The following IFI16 variants were observed in gnomAD, a reference collection of about 807,000 sequenced individuals.
The protein encoded by IFI16 is interferon gamma inducible protein 16.
Under a neutral mutation model 68.4 loss-of-function variants are expected in IFI16, and 49 were observed. That is an observed-to-expected ratio of 0.72 (90% CI 0.57 to 0.91). The LOEUF (loss-of-function observed/expected upper bound fraction) is 0.91, where lower values mean the gene tolerates loss of function less well. Ranked by LOEUF, IFI16 falls within the 40% of genes least tolerant of loss-of-function variation. IFI16 has a pLI of 0.00. For synonymous variants in IFI16, 307 were observed against 315.0 expected (o/e 0.97, Z 0.27); for missense variants, 878 against 942.9 (o/e 0.93, Z 0.90).
At chr1:159,015,714 C>T in intron 2 of IFI16, 158 bp from the exon 3 acceptor site, 3 of 601,430 alleles carry the variant, frequency 5.0e-6, no homozygotes, top group Non-Finnish European at 9.0e-6. Flanking sequence ...TCCTTAAGGC[C>T]AGGCTGGGCT....
chr1:159,053,762 G>T (rs374034358), intron 11 of IFI16, 38 bp downstream of exon 11: 2 of 1,505,886 alleles, frequency 1.3e-6, no homozygotes, highest in South Asian at 2.3e-5. Flanking sequence ...TCCAAGTGGC[G>T]AATCATTTTG....
intron 7 of IFI16, among the ~76,000 whole-genome samples, chr1:159,040,674 C>G (rs1654576370): frequency 6.6e-6 from 1 of 152,132 alleles, no homozygotes; most frequent in Non-Finnish European, 1.5e-5. Context: ...AAAATGTGTG[C>G]ATCAGGCAGA....
chr1:159,020,646 CAG>C (rs1653253683), intron 6 of IFI16, 117 bp downstream of exon 6: 1 of 610,116 alleles, frequency 1.6e-6, no homozygotes, highest in Non-Finnish European at 2.8e-6. Flanking sequence ...CATGAGAAAA[CAG>C]ATATTCTCCT....
Position 159,018,359 on chromosome 1 carries a change from T to A in IFI16, c.680T>A (p.Ile227Lys), listed in dbSNP as rs1653074185. The A allele has an allele frequency of 6.2e-7, 1 of 1,613,874 alleles. No homozygotes were observed. The highest frequency in any genetic ancestry group is 8.5e-7 in the Non-Finnish European group (1 of 1,179,956). ...EYETPEMEKKIMFHATVATQT... is the reference protein window; with the variant it reads ...EYETPEMEKKKMFHATVATQT... ...GAGACCCCAGAAATGGAGAAAAAAATAATGTTTCATGCTACAGTGGCTACA... is the reference window on the plus strand; with the variant it reads ...GAGACCCCAGAAATGGAGAAAAAAAAAATGTTTCATGCTACAGTGGCTACA... Residue 227 changes from isoleucine to lysine, a missense_variant, in exon 5 of 12, where the codon ATA (isoleucine) becomes AAA (lysine). Coordinates refer to ENST00000295809, the MANE Select transcript of IFI16 (RefSeq NM_001376587.1).
At position 159,051,926 on chromosome 1, in the gene IFI16, G is replaced by C; in HGVS notation, c.1913G>C (p.Arg638Pro). ...ATTGCCATAGCAAATTATGTTTGCC[G>C]CAATGGGTTCCTGGAGGTATATCCT... ...KIIAIANYVC[R>P]NGFLEVYPFT... The change falls in exon 10 of 12, where the codon CGC becomes CCC. Residue 638 changes from arginine to proline, a missense_variant. Physicochemically the swap from Arg to Pro is moderately radical, Grantham distance 103 (BLOSUM62 -2). Around this residue, in one of 4 missense-constraint regions of IFI16, gnomAD observed 311 missense variants for 305.1 expected, o/e 1.02. Coordinates refer to ENST00000295809, the MANE Select transcript of IFI16 (RefSeq NM_001376587.1). 3 of 1,614,080 alleles carry C rather than the reference G, an allele frequency of 1.9e-6. No homozygotes were observed. Among genetic ancestry groups the C allele is most frequent in the Non-Finnish European group, 2.5e-6 (3 of 1,179,956 alleles).
intron 6 of IFI16, among the ~76,000 whole-genome samples, chr1:159,027,770 A>G (rs1381263531): frequency 6.6e-6 from 1 of 151,676 alleles, no homozygotes; most frequent in Non-Finnish European, 1.5e-5. Context: ...AGGGTTGTAT[A>G]TTTTCAGGTT....
upstream of IFI16, among the ~76,000 whole-genome samples, chr1:159,003,333 T>C (rs1256476231): frequency 6.6e-6 from 1 of 152,234 alleles, no homozygotes; most frequent in Non-Finnish European, 1.5e-5. Flanking sequence ...GTTATCTATT[T>C]AGACAATAGA....
chr1:159,006,808 G>C (rs2101781001), upstream of IFI16, among the ~76,000 whole-genome samples: 1 of 152,244 alleles, frequency 6.6e-6, no homozygotes, highest in African/African-American at 2.4e-5. Flanking sequence ...ATTCACCCTT[G>C]GTGCAAGTGC....
intron 7 of IFI16, among the ~76,000 whole-genome samples, chr1:159,038,516 T>C (rs1654448502): frequency 6.6e-6 from 1 of 152,022 alleles, no homozygotes. Context: ...AGGTGCACGC[T>C]ACCAGGCCTG....
At chr1:159,009,497 A>G (rs193241958), upstream of IFI16, among the ~76,000 whole-genome samples, 118 of 152,292 alleles carry the variant, frequency 7.7e-4, no homozygotes, top group Non-Finnish European at 1.5e-3. Context: ...GTGCACAGGA[A>G]AGGAGGGGAG....
intron 1 of IFI16, among the ~76,000 whole-genome samples, chr1:159,013,230 A>G (rs186744365): frequency 1.2e-3 from 162 of 129,890 alleles, no homozygotes; most frequent in African/African-American, 4.7e-3. Context: ...GTGTAGTGGC[A>G]CGATCTCCGC....
At chr1:159,032,988 A>G (rs1772415) in intron 7 of IFI16, among the ~76,000 whole-genome samples, 106,303 of 151,530 alleles carry the variant, frequency 0.7, 40,067 homozygotes, top group Admixed American at 0.84. Context: ...CAGAGACGAA[A>G]ACAAGAATGC....
chr1:159,031,291 C>T (rs1000751239), intron 6 of IFI16, among the ~76,000 whole-genome samples: 6 of 152,206 alleles, frequency 3.9e-5, no homozygotes, highest in African/African-American at 1.4e-4. Flanking sequence ...GAGTTCAAGC[C>T]TCCCTGCCTG....
chr1:159,015,221 GA>G (rs1489056231), intron 2 of IFI16, among the ~76,000 whole-genome samples: 1 of 152,110 alleles, frequency 6.6e-6, no homozygotes, highest in Non-Finnish European at 1.5e-5. Context: ...CAGTACATTA[GA>G]AAGATTATAT....
chr1:159,033,712 G>A (rs993879797), intron 7 of IFI16, among the ~76,000 whole-genome samples: 1 of 152,174 alleles, frequency 6.6e-6, no homozygotes, highest in Non-Finnish European at 1.5e-5. Flanking sequence ...TTTAGATTAG[G>A]AGTTTATATA....
chr1:159,021,536 G>A (rs1372321184), intron 6 of IFI16, among the ~76,000 whole-genome samples: 1 of 152,146 alleles, frequency 6.6e-6, no homozygotes, highest in Non-Finnish European at 1.5e-5. Context: ...TATTTTTGCA[G>A]TTGTGAATTG....
chr1:159,042,873 A>G (rs757213082), intron 7 of IFI16, among the ~76,000 whole-genome samples: 1 of 152,176 alleles, frequency 6.6e-6, no homozygotes, highest in Non-Finnish European at 1.5e-5. Context: ...GTTACCTACA[A>G]TCCAGCGTTA....
chr1:159,050,074 T>C lies in IFI16; in HGVS notation c.1665+475T>C, dbSNP rs553804084. Reference sequence around the variant, plus strand: ...TTTCAGTACATGGTCTTTCTGATTTTATACCTTTCAGTATGTATATACAAA... The same window carrying C: ...TTTCAGTACATGGTCTTTCTGATTTCATACCTTTCAGTATGTATATACAAA... On this transcript the variant is annotated intron_variant, in intron 9 of 11. Transcript: ENST00000295809. 1.8e-4 allele frequency among the ~76,000 whole-genome samples: 28 copies of C among 152,380 alleles called. No individual in the cohort carries two copies. In the East Asian group the frequency reaches 5.2e-3, roughly 28 times the overall value.
intron 8 of IFI16, among the ~76,000 whole-genome samples, chr1:159,048,619 A>G (rs1557881793): frequency 2.6e-5 from 4 of 151,536 alleles, no homozygotes; most frequent in Non-Finnish European, 5.9e-5. Context: ...GCTCACTACA[A>G]GCAGTTCTTT....
Sources: allele counts gnomAD v4.1 joint callset (sites outside exome capture counted in the v4.1 genomes callset), GRCh38; gene constraint gnomAD v4.1.1; regional missense constraint gnomAD v4.1.1; transcripts MANE v1.5; gene names NCBI Gene and HGNC (gene_info 2026-07-23, HGNC 2026-07-21).